The following LRIG2 variants were observed in gnomAD, a reference collection of about 807,000 sequenced individuals.
LRIG2 encodes leucine-rich repeats and immunoglobulin-like domains protein 2.
In LRIG2, 93 loss-of-function variants were observed where a neutral mutation model predicts 107.8. That is an observed-to-expected ratio of 0.86 (90% CI 0.73 to 1.03). The LOEUF is 1.03. Among genes scored for constraint, LRIG2 ranks in the 50% least tolerant of loss-of-function variants. The pLI, the probability that LRIG2 is intolerant of heterozygous loss-of-function variation, is 0.00. For missense variants in LRIG2, 1,226 were observed against 1,296.0 expected, an observed-to-expected ratio of 0.95 and a Z score of 0.83; for synonymous variants, 471 against 470.6, an observed-to-expected ratio of 1.00 and a Z score of -0.01.
chr1:113,073,296 C>A lies in LRIG2; in HGVS notation c.-111C>A. The A allele has an allele frequency of 2.2e-6, 2 of 891,384 alleles. No homozygotes were observed. Among genetic ancestry groups the A allele is most frequent in the Non-Finnish European group, 3.6e-6 (2 of 553,060 alleles). 55.2% of individuals were successfully genotyped at this position (891,384 alleles called of 1,614,324 possible). A position where few individuals can be genotyped will look rare whatever the true frequency, so the allele number is the denominator to read the frequency against. ...TGCCTTTAGATGGTACAGCCTTCAG[C>A]CGGGGCTTCGGGAGACAGTGCAGCC... On this transcript the variant is annotated 5_prime_UTR_variant, in exon 1 of 18. Transcript: ENST00000361127.
At position 113,094,662 on chromosome 1, in the gene LRIG2, G is replaced by C. The variant is rs769063156; in HGVS notation, c.710G>C (p.Gly237Ala). 1 of 1,613,768 alleles carries C rather than the reference G, an allele frequency of 6.2e-7. No individual in the cohort carries two copies. Among genetic ancestry groups the C allele is most frequent in the South Asian group, 1.1e-5 (1 of 91,058 alleles). The change falls in exon 6 of 18, where the codon GGG (glycine) becomes GCG (alanine). Residue 237 changes from glycine to alanine, a missense_variant. Transcript: ENST00000361127. ...IKIVEGLTFQ[G>A]LDSLRSLKMQ... ...ATTGTGGAAGGTCTTACATTCCAAG[G>C]GCTTGACTCCTTAAGATCTTTGAAA...
At chr1:113,120,267 T>C (rs996401978) in intron 17 of LRIG2, among the ~76,000 whole-genome samples, 3 of 151,488 alleles carry the variant, frequency 2.0e-5, no homozygotes, top group Non-Finnish European at 2.9e-5. Context: ...CTGGCCAACA[T>C]AGGGAAACCC....
chr1:113,112,373 A>C, intron 13 of LRIG2, 106 bp from the exon 14 acceptor site: 3 of 952,828 alleles, frequency 3.1e-6, no homozygotes, highest in Non-Finnish European at 4.7e-6. Context: ...AAGAAATGGA[A>C]CATTAGGGGG....
At chr1:113,091,433 TAATA>T (rs766787276) in intron 2 of LRIG2, 50 bp downstream of exon 2, 4 of 1,207,222 alleles carry the variant, frequency 3.3e-6, no homozygotes, top group Non-Finnish European at 2.4e-6. Flanking sequence ...TGAGGGAACT[TAATA>T]AATTGTGATT....
At chr1:113,121,515 G>A (rs546447715) in intron 17 of LRIG2, among the ~76,000 whole-genome samples, 3 of 151,976 alleles carry the variant, frequency 2.0e-5, no homozygotes, top group Admixed American at 6.6e-5. Flanking sequence ...AGGCTGACAC[G>A]GGTGGATCAT....
intron 16 of LRIG2, among the ~76,000 whole-genome samples, chr1:113,118,687 CAG>C (rs984575886): frequency 3.3e-5 from 5 of 151,004 alleles, no homozygotes; most frequent in East Asian, 1.9e-4. Flanking sequence ...TTTTTGGAGA[CAG>C]AGTCTCGCTG....
rs1380442672 is a variant in LRIG2 at position 113,127,882 on chromosome 1, A to T, written c.*3781A>T. On this transcript the variant is annotated 3_prime_UTR_variant, in exon 18 of 18. Transcript: ENST00000361127. ...CGAGCCCGGCCGGTCCTTATTTTAT[A>T]CAAGTGATTAAGCCAAAAATTTTCT... is the stretch of plus-strand genomic sequence containing the variant. 1 of 152,026 alleles carries T rather than the reference A, an allele frequency of 6.6e-6. No individual in the cohort carries two copies. Among genetic ancestry groups the T allele is most frequent in the Non-Finnish European group, 1.5e-5 (1 of 68,020 alleles). The allele number at this position is 152,026 out of a possible 1,614,324, so 9.4% of individuals were successfully genotyped here.
rs953914379 is a variant in LRIG2 at position 113,131,413 on chromosome 1, C to G, written c.*7312C>G. Reference sequence around the variant, plus strand: ...TAAAGGAATAACAGAGGTAAATTTGCTGTCATTTTATGCCACATCCTCTTT... The same window carrying G: ...TAAAGGAATAACAGAGGTAAATTTGGTGTCATTTTATGCCACATCCTCTTT... On this transcript the variant is annotated 3_prime_UTR_variant, in exon 18 of 18. Transcript: ENST00000361127. 6.6e-6 allele frequency: 1 copy of G among 152,172 alleles called. No homozygotes were observed. The highest frequency in any genetic ancestry group is 6.5e-5 in the Admixed American group (1 of 15,280). 9.4% of individuals were successfully genotyped at this position (152,172 alleles called of 1,614,324 possible).
chr1:113,114,494 G>A lies in LRIG2; in HGVS notation c.2148G>A (p.Gln716=), dbSNP rs375243554. The A allele has an allele frequency of 1.3e-5, 21 of 1,613,922 alleles. No individual in the cohort carries two copies. The highest frequency in any genetic ancestry group is 1.8e-5 in the Non-Finnish European group (21 of 1,180,012). The change falls in exon 15 of 18, where the codon CAG becomes CAA. Residue 716 remains glutamine, a synonymous_variant. Coordinates refer to ENST00000361127, the MANE Select transcript of LRIG2 (RefSeq NM_014813.3). ...TVTRGETAVL[Q]CIAGGSPAPR... ...CACGAGGTGAAACTGCGGTGTTACA[G>A]TGCATAGCTGGAGGGAGTCCTGCCC...
At chr1:113,106,142 C>T (rs1057011766) in intron 11 of LRIG2, among the ~76,000 whole-genome samples, 1 of 151,816 alleles carries the variant, frequency 6.6e-6, no homozygotes, top group African/African-American at 2.4e-5. Context: ...GCAGGAGAAT[C>T]GCTTGAACCC....
chr1:113,090,220 T>C (rs934359606), intron 1 of LRIG2, among the ~76,000 whole-genome samples: 1 of 152,082 alleles, frequency 6.6e-6, no homozygotes, highest in Admixed American at 6.5e-5. Flanking sequence ...AATGTGTAAA[T>C]TGTTGTGTCA....
intron 1 of LRIG2, among the ~76,000 whole-genome samples, chr1:113,083,659 T>C (rs182886783): frequency 1.3e-5 from 2 of 151,844 alleles, no homozygotes; most frequent in Non-Finnish European, 2.9e-5. Flanking sequence ...TGCACACTTT[T>C]AAGCCACCAG....
intron 1 of LRIG2, among the ~76,000 whole-genome samples, chr1:113,089,074 C>G (rs149460037): frequency 3.8e-4 from 58 of 152,262 alleles, no homozygotes; most frequent in African/African-American, 1.3e-3. Flanking sequence ...ATGAAAGTGG[C>G]TAGCTTTTAC....
intron 12 of LRIG2, among the ~76,000 whole-genome samples, chr1:113,109,260 C>T (rs576215013): frequency 6.6e-6 from 1 of 152,262 alleles, no homozygotes; most frequent in South Asian, 2.1e-4. Context: ...AGTGGAGATA[C>T]TGGTTAAGAA....
intron 11 of LRIG2, among the ~76,000 whole-genome samples, chr1:113,105,029 C>T (rs777778459): frequency 1.9e-4 from 29 of 151,930 alleles, no homozygotes; most frequent in Non-Finnish European, 3.5e-4. Context: ...GCCTGTAATC[C>T]CAGCTACTCA....
chr1:113,108,501 G>A (rs1251536542), intron 12 of LRIG2, among the ~76,000 whole-genome samples: 1 of 151,574 alleles, frequency 6.6e-6, no homozygotes, highest in Non-Finnish European at 1.5e-5. Context: ...TGGGATTACA[G>A]GTGTGAGCCA....
intron 13 of LRIG2, 104 bp downstream of exon 13, chr1:113,110,666 C>G: frequency 1.2e-6 from 1 of 825,480 alleles, no homozygotes; most frequent in Middle Eastern, 3.6e-4. Context: ...TTAAGTAGGA[C>G]TCTTACTGTT....
At chr1:113,109,205 T>C (rs556246781) in intron 12 of LRIG2, among the ~76,000 whole-genome samples, 23 of 152,340 alleles carry the variant, frequency 1.5e-4, no homozygotes, top group African/African-American at 5.1e-4. Flanking sequence ...TATTTCTTCC[T>C]CCCCTTCCAC....
Position 113,123,962 on chromosome 1 carries a change from C to G in LRIG2, c.3059C>G (p.Pro1020Arg). 1 of 1,614,080 alleles carries G rather than the reference C, an allele frequency of 6.2e-7. No individual in the cohort carries two copies. The highest frequency in any genetic ancestry group is 8.5e-7 in the Non-Finnish European group (1 of 1,180,026). The change falls in exon 18 of 18, where the codon CCA (proline) becomes CGA (arginine). Residue 1020 changes from proline to arginine, a missense_variant. Coordinates refer to ENST00000361127, the MANE Select transcript of LRIG2 (RefSeq NM_014813.3). The stretch of plus-strand genomic sequence containing the variant: ...TCCCAGCAGCCAGTCCATGAGTCAC[C>G]ACAACTTCATCAAAATGAGGGCCTG... ...PFSQQPVHES[P>R]QLHQNEGLAG...
Sources: allele counts gnomAD v4.1 joint callset (sites outside exome capture counted in the v4.1 genomes callset), GRCh38; gene constraint gnomAD v4.1.1; transcripts MANE v1.5; gene names NCBI Gene and HGNC (gene_info 2026-07-23, HGNC 2026-07-21).